CHM: variants seen among roughly 807,000 people sequenced by gnomAD.
CHM encodes CHM Rab escort protein.
A neutral mutation model predicts 49.0 loss-of-function variants in CHM; 10 were observed. That is an observed-to-expected ratio of 0.20 (90% CI 0.13 to 0.35). CHM has a LOEUF of 0.35. CHM is among the 10% of genes least tolerant of loss of function. CHM has a pLI of 1.00. For synonymous variants in CHM, 184 were observed against 167.5 expected (o/e 1.10, Z -0.76); for missense variants, 455 against 478.4 (o/e 0.95, Z 0.46).
At chrX:85,900,974 T>C (rs996609815) in intron 10 of CHM, 110 bp downstream of exon 10, 58 of 569,546 alleles carry the variant, frequency 1.0e-4, no homozygotes, top group South Asian at 4.7e-4. Context: ...AAGTAAGATA[T>C]TGAATATATC....
At chrX:85,872,286 AC>A (rs2148119518) in intron 14 of CHM, among the ~76,000 whole-genome samples, 1 of 112,156 alleles carries the variant, frequency 8.9e-6, no homozygotes, top group South Asian at 3.7e-4. Context: ...TGCCAGTTCT[AC>A]CCGTGAAAAG....
chrX:85,995,952 T>C (rs367776395), intron 2 of CHM, among the ~76,000 whole-genome samples: 26 of 112,213 alleles, frequency 2.3e-4, no homozygotes, highest in African/African-American at 8.4e-4. Context: ...CTTACAGGGT[T>C]GCACTGTTTT....
At chrX:86,015,783 A>G (rs1303125051) in intron 2 of CHM, among the ~76,000 whole-genome samples, 1 of 112,241 alleles carries the variant, frequency 8.9e-6, no homozygotes, top group Non-Finnish European at 1.9e-5. Flanking sequence ...TTTGAACTTG[A>G]GAAACATGAT....
chrX:85,984,582 C>T (rs1385172836), intron 2 of CHM, among the ~76,000 whole-genome samples: 2 of 111,458 alleles, frequency 1.8e-5, no homozygotes, highest in South Asian at 3.8e-4. Flanking sequence ...ACCTTATGAT[C>T]GAGTAATTTC....
chrX:85,997,105 C>A (rs769314938), intron 2 of CHM, among the ~76,000 whole-genome samples: 1 of 111,677 alleles, frequency 9.0e-6, no homozygotes, highest in South Asian at 3.7e-4. Flanking sequence ...CTGTCATTTT[C>A]TTTCATTTGT....
intron 2 of CHM, among the ~76,000 whole-genome samples, chrX:86,000,513 C>CAAA (rs754600557): frequency 0.41 from 24,242 of 58,637 alleles, 5,501 homozygotes; most frequent in Non-Finnish European, 0.54. Context: ...GGAATATATT[C>CAAA]AAAAAAAAAA....
At chrX:85,918,225 C>T (rs1041346144) in intron 8 of CHM, among the ~76,000 whole-genome samples, 3 of 111,218 alleles carry the variant, frequency 2.7e-5, no homozygotes, top group Non-Finnish European at 5.7e-5. Flanking sequence ...TCAGCAGAAA[C>T]ATTACAAGCC....
At chrX:85,963,176 C>G (rs929078692) in intron 5 of CHM, among the ~76,000 whole-genome samples, 1 of 111,588 alleles carries the variant, frequency 9.0e-6, no homozygotes, top group Non-Finnish European at 1.9e-5. Flanking sequence ...TATCCCTTCC[C>G]TAACCCCCAA....
chrX:85,981,850 T>C (rs1018319742), intron 2 of CHM, 41 bp from the exon 3 acceptor site: 7 of 991,555 alleles, frequency 7.1e-6, no homozygotes, highest in Non-Finnish European at 9.6e-6. Context: ...AAGAAAATGG[T>C]ATAAAAATCA....
chrX:85,966,116 G>A (rs773558474), intron 4 of CHM, among the ~76,000 whole-genome samples: 5 of 111,200 alleles, frequency 4.5e-5, no homozygotes, highest in South Asian at 3.8e-4. Context: ...GTGGTAGGCC[G>A]AGGTGGGTGG....
intron 12 of CHM, among the ~76,000 whole-genome samples, chrX:85,890,769 T>C (rs1026449689): frequency 1.8e-5 from 2 of 111,604 alleles, no homozygotes; most frequent in Non-Finnish European, 3.8e-5. Context: ...TGAGGCATTG[T>C]TGAAAAGATA....
At chrX:85,926,214 C>T (rs1328847333) in intron 8 of CHM, among the ~76,000 whole-genome samples, 2 of 110,657 alleles carry the variant, frequency 1.8e-5, no homozygotes, top group Admixed American at 1.9e-4. Flanking sequence ...TAAACCACCC[C>T]CTTCCTTCCA....
At chrX:85,885,353 T>C (rs887680525) in intron 12 of CHM, among the ~76,000 whole-genome samples, 1 of 109,871 alleles carries the variant, frequency 9.1e-6, no homozygotes, top group African/African-American at 3.3e-5. Flanking sequence ...GGCTAATGAA[T>C]AATGGACAAA....
At chrX:86,042,428 G>C (rs73630495) in intron 1 of CHM, among the ~76,000 whole-genome samples, 1,448 of 110,450 alleles carry the variant, frequency 0.013, 16 homozygotes, top group African/African-American at 0.042. Flanking sequence ...GGAGGCCTGA[G>C]GGAGCTTTTA....
chrX:85,974,797 C>CCAAAATAAT (rs971058244), intron 4 of CHM, among the ~76,000 whole-genome samples: 1 of 109,626 alleles, frequency 9.1e-6, no homozygotes, highest in African/African-American at 3.3e-5. Context: ...AGACTTCACA[C>CCAAAATAAT]CAAAATAATC....
intron 5 of CHM, 44 bp from the exon 6 acceptor site, chrX:85,959,021 G>C (rs913104254): frequency 8.4e-7 from 1 of 1,185,164 alleles, no homozygotes; most frequent in Non-Finnish European, 1.1e-6. Flanking sequence ...TGAAATAGTA[G>C]AAAAATTGGA....
chrX:85,975,007 A>G lies in CHM; in HGVS notation c.314+3760T>C, dbSNP rs1009585526. 5.4e-5 allele frequency among the ~76,000 whole-genome samples: 6 copies of G among 110,935 alleles called. No homozygotes were observed. In the South Asian group the frequency reaches 1.1e-3, roughly 21 times the overall value. On this transcript the variant is annotated intron_variant, in intron 4 of 14. Coordinates refer to ENST00000357749, the MANE Select transcript of CHM (RefSeq NM_000390.4). ...TCTGAAAACTCAACAGTAAAAAACT[A>G]CTCCAATTTTAAAAACAAGCAAAAG...
At chrX:85,959,457 C>A (rs1242158528) in intron 5 of CHM, among the ~76,000 whole-genome samples, 8 of 110,524 alleles carry the variant, frequency 7.2e-5, no homozygotes, top group African/African-American at 2.6e-4. Flanking sequence ...TACACAAAGC[C>A]AGGTAGTTAT....
At chrX:86,035,825 G>A (rs151061697) in intron 1 of CHM, among the ~76,000 whole-genome samples, 1,712 of 86,165 alleles carry the variant, frequency 0.02, 65 homozygotes, top group African/African-American at 0.075. Context: ...ATGGAGCCTC[G>A]CTCTGTTGCC....
Sources: gnomAD v4.1 joint callset for allele counts (sites outside exome capture counted in the v4.1 genomes callset) on GRCh38, gnomAD v4.1.1 for gene constraint, MANE v1.5 for transcripts, NCBI Gene and HGNC (gene_info 2026-07-23, HGNC 2026-07-21) for gene names.